Variants in FRK observed in about 807,000 individuals in gnomAD.
The protein encoded by FRK is fyn related Src family tyrosine kinase, also known as tyrosine-protein kinase FRK.
FRK carries 51 observed loss-of-function variants against 56.4 expected under a neutral mutation model. That is an observed-to-expected ratio of 0.90 (90% CI 0.72 to 1.14). The LOEUF is 1.14. Among genes scored for constraint, FRK ranks in the 50% most tolerant of loss-of-function variants. The probability of loss-of-function intolerance (pLI) is 0.00; values close to 1 mark genes in which losing one functional copy is unlikely to be tolerated. For synonymous variants in FRK, 245 were observed against 217.9 expected, an observed-to-expected ratio of 1.12 and a Z score of -1.10; for missense variants, 570 against 601.4, an observed-to-expected ratio of 0.95 and a Z score of 0.55.
chr6:115,988,158 A>C lies in FRK; in HGVS notation c.466+15719T>G, dbSNP rs574310904. Among the ~76,000 whole-genome samples, 99 of 152,244 alleles carry C rather than the reference A, an allele frequency of 6.5e-4. 2 individuals carry two copies. Among genetic ancestry groups the C allele is most frequent in the African/African-American group, 2.4e-3 (98 of 41,554 alleles). On this transcript the variant is annotated intron_variant, in intron 2 of 7. Coordinates refer to ENST00000606080, the MANE Select transcript of FRK (RefSeq NM_002031.3). ...ATAATATAATGCAAGGCATGTTTCTAAAATGCATTATAAATGACTTCATGA... is the reference window on the plus strand; with the variant it reads ...ATAATATAATGCAAGGCATGTTTCTCAAATGCATTATAAATGACTTCATGA...
In FRK at chr6:115,934,689, G is replaced by A. The variant is rs997521246; in HGVS notation, c.*7725C>T. The A allele has an allele frequency of 5.9e-5, 9 of 152,106 alleles. No individual in the cohort carries two copies. Among genetic ancestry groups the A allele is most frequent in the African/African-American group, 1.2e-4 (5 of 41,414 alleles). 9.4% of individuals were successfully genotyped at this position (152,106 alleles called of 1,614,324 possible). ...GGTTTCTGTAACTGTTTAGATAGGC[G>A]CTTCTCCTTTAAAGAAAGGCATGAG... On this transcript the variant is annotated 3_prime_UTR_variant, in exon 8 of 8. Transcript: ENST00000606080.
rs539777485 is a variant in FRK at position 115,938,391 on chromosome 6, T to C, written c.*4023A>G. Reference sequence around the variant, plus strand: ...GGAATCAGGAAAGAACTAAAATCTATACCCTAATATCACAATTAAAAGTAC... The same window carrying C: ...GGAATCAGGAAAGAACTAAAATCTACACCCTAATATCACAATTAAAAGTAC... On this transcript the variant is annotated 3_prime_UTR_variant, in exon 8 of 8. Transcript: ENST00000606080. The C allele has an allele frequency of 6.6e-6, 1 of 152,182 alleles. No homozygotes were observed. The highest frequency in any genetic ancestry group is 1.5e-5 in the Non-Finnish European group (1 of 67,990). The allele number at this position is 152,182 out of a possible 1,614,324, so 9.4% of individuals were successfully genotyped here. A position where few individuals can be genotyped will look rare whatever the true frequency, so the allele number is the denominator to read the frequency against.
At chr6:115,986,895 C>A (rs1774417010) in intron 2 of FRK, among the ~76,000 whole-genome samples, 2 of 152,130 alleles carry the variant, frequency 1.3e-5, no homozygotes, top group Admixed American at 1.3e-4. Flanking sequence ...CCCCTGATAG[C>A]AGCTCCATTA....
At chr6:116,097,447 C>T in the FRK span, among the ~76,000 whole-genome samples, 3 of 152,068 alleles carry the variant, frequency 2.0e-5, no homozygotes, top group Non-Finnish European at 4.4e-5. Context: ...AAAAAAGAAA[C>T]AGGCCATTTC....
intron 1 of FRK, chr6:116,039,390 G>A: frequency 6.4e-7 from 1 of 1,558,930 alleles, no homozygotes; most frequent in Non-Finnish European, 8.8e-7. Context: ...CTGTGATGGG[G>A]GCAACCTGCA....
intron 1 of FRK, among the ~76,000 whole-genome samples, chr6:116,024,404 A>G (rs1307623557): frequency 4.2e-5 from 6 of 143,844 alleles, no homozygotes; most frequent in African/African-American, 1.3e-4. Flanking sequence ...TCCCAATGCT[A>G]TCCCTCCCCC....
intron 1 of FRK, among the ~76,000 whole-genome samples, chr6:116,053,031 T>C (rs1237642693): frequency 1.3e-5 from 2 of 152,096 alleles, no homozygotes; most frequent in Admixed American, 1.3e-4. Context: ...ATTTAACAGA[T>C]GAGAAACTGA....
chr6:115,951,653 G>GA (rs1330444754), intron 5 of FRK, among the ~76,000 whole-genome samples: 2 of 152,038 alleles, frequency 1.3e-5, no homozygotes, highest in Non-Finnish European at 2.9e-5. Flanking sequence ...AGGTTATATA[G>GA]AAAAAATATG....
Position 116,043,758 on chromosome 6 carries a change from A to G in FRK, c.344+16210T>C, listed in dbSNP as rs188639816. 5.3e-5 allele frequency among the ~76,000 whole-genome samples: 8 copies of G among 152,342 alleles called. No individual in the cohort carries two copies. The East Asian group carries it at 1.5e-3, about 29-fold the overall frequency. On this transcript the variant is annotated intron_variant, in intron 1 of 7. Transcript: ENST00000606080. ...AGATCCAAGTAGAACTGAAGGAGAT[A>G]GAGACATGAAAAACCCTTCAAAAAA... is the stretch of plus-strand genomic sequence containing the variant.
chr6:116,089,559 G>T, the FRK span, among the ~76,000 whole-genome samples: 1 of 152,194 alleles, frequency 6.6e-6, no homozygotes, highest in African/African-American at 2.4e-5. Context: ...TTTCTTCTGA[G>T]GCCTGTTTTG....
At chr6:115,966,785 T>C (rs1191700145) in intron 4 of FRK, among the ~76,000 whole-genome samples, 3 of 152,198 alleles carry the variant, frequency 2.0e-5, no homozygotes, top group Non-Finnish European at 4.4e-5. Context: ...AGCTATGCCA[T>C]TTACTGACTT....
intron 2 of FRK, among the ~76,000 whole-genome samples, chr6:116,000,310 T>G (rs987078327): frequency 8.7e-5 from 12 of 137,760 alleles, no homozygotes; most frequent in Non-Finnish European, 1.2e-4. Context: ...TGGCGTGACC[T>G]CTGCTCACTG....
At chr6:115,982,725 G>T (rs985717699) in intron 2 of FRK, among the ~76,000 whole-genome samples, 6 of 151,988 alleles carry the variant, frequency 3.9e-5, no homozygotes, top group Admixed American at 1.3e-4. Flanking sequence ...TGAAAGATGG[G>T]CCAACAGCTC....
chr6:116,014,306 T>C (rs917568511), intron 1 of FRK, among the ~76,000 whole-genome samples: 1 of 152,114 alleles, frequency 6.6e-6, no homozygotes, highest in African/African-American at 2.4e-5. Flanking sequence ...AAAAGACCAC[T>C]TTAAGTAACA....
intron 1 of FRK, among the ~76,000 whole-genome samples, chr6:116,026,716 T>C (rs1454223140): frequency 3.3e-5 from 5 of 152,054 alleles, no homozygotes; most frequent in Non-Finnish European, 7.4e-5. Context: ...AGAGAGCTGG[T>C]TGCTTTGTTC....
At chr6:115,977,288 A>C (rs944647430) in intron 2 of FRK, among the ~76,000 whole-genome samples, 1 of 152,224 alleles carries the variant, frequency 6.6e-6, no homozygotes, top group African/African-American at 2.4e-5. Context: ...AAGAAAGTAC[A>C]TCTGTCTAAA....
intron 1 of FRK, among the ~76,000 whole-genome samples, chr6:116,009,305 T>C (rs1304057316): frequency 6.6e-6 from 1 of 152,182 alleles, no homozygotes; most frequent in East Asian, 1.9e-4. Context: ...CTAATACTTG[T>C]TAGAAATGGA....
rs768646391 is a variant in FRK, at chr6:115,943,236, TG to T, written c.1141-52del. On this transcript the variant is annotated intron_variant, in intron 6 of 7. Transcript: ENST00000606080. ...CGAGTTAAAGCAATTTTTTTTTTTT[TG>T]CTAACCTCATTCATCTATAATCTGC... 2.9e-4 allele frequency: 319 copies of T among 1,097,750 alleles called. 1 individual carries two copies. In the South Asian group the frequency reaches 4.9e-3, roughly 17 times the overall value. 68.0% of individuals were successfully genotyped at this position (1,097,750 alleles called of 1,614,324 possible).
chr6:116,026,073 A>G (rs1776077775), intron 1 of FRK, among the ~76,000 whole-genome samples: 1 of 152,158 alleles, frequency 6.6e-6, no homozygotes, highest in Admixed American at 6.6e-5. Context: ...GATTCTACCA[A>G]TAACTCTATA....
Sources: gnomAD v4.1 joint callset for allele counts (sites outside exome capture counted in the v4.1 genomes callset) on GRCh38, gnomAD v4.1.1 for gene constraint, MANE v1.5 for transcripts, NCBI Gene and HGNC (gene_info 2026-07-23, HGNC 2026-07-21) for gene names.